CNTN1: variants seen among roughly 807,000 people sequenced by gnomAD.
The protein encoded by CNTN1 is contactin 1, also known as contactin-1.
In CNTN1, 38 loss-of-function variants were observed where a neutral mutation model predicts 126.4. That is an observed-to-expected ratio of 0.30 (90% CI 0.23 to 0.39). The LOEUF (loss-of-function observed/expected upper bound fraction) is 0.39. CNTN1 is among the 10% of genes least tolerant of loss of function. The pLI is 1.00. For synonymous variants in CNTN1, 413 were observed against 422.6 expected, an observed-to-expected ratio of 0.98 and a Z score of 0.28; for missense variants, 1,009 against 1,248.4, an observed-to-expected ratio of 0.81 and a Z score of 2.89.
chr12:41,012,999 G>C (rs1948698330), intron 17 of CNTN1, among the ~76,000 whole-genome samples: 1 of 152,128 alleles, frequency 6.6e-6, no homozygotes, highest in Non-Finnish European at 1.5e-5. Context: ...AGAAGTGAAA[G>C]AGAAACAGCT....
chr12:40,939,534 T>G, intron 12 of CNTN1, 49 bp downstream of exon 12: 1 of 1,599,802 alleles, frequency 6.3e-7, no homozygotes, highest in Non-Finnish European at 8.5e-7. Flanking sequence ...TTGAAAAAGT[T>G]TATTTTATAG....
At chr12:40,911,395 T>TA (rs1216920824) in intron 3 of CNTN1, among the ~76,000 whole-genome samples, 1 of 152,120 alleles carries the variant, frequency 6.6e-6, no homozygotes, top group East Asian at 1.9e-4. Flanking sequence ...AGGCACTTCT[T>TA]ACATGGCCGC....
chr12:41,051,893 A>AAC (rs71078300), intron 23 of CNTN1, among the ~76,000 whole-genome samples: 4,633 of 134,458 alleles, frequency 0.034, 90 homozygotes, highest in East Asian at 0.093. Context: ...ACCCCACACA[A>AAC]ACACACACAC....
chr12:40,977,990 A>T, intron 15 of CNTN1, among the ~76,000 whole-genome samples: 1 of 151,894 alleles, frequency 6.6e-6, no homozygotes, highest in East Asian at 1.9e-4. Context: ...TTTCGTAGAG[A>T]TCCGGTTTCA....
intron 1 of CNTN1, among the ~76,000 whole-genome samples, chr12:40,828,603 C>T (rs1246448695): frequency 1.3e-5 from 2 of 152,110 alleles, no homozygotes; most frequent in East Asian, 3.9e-4. Context: ...GTGGAAATTA[C>T]CTCCTTGTGG....
At chr12:40,892,736 G>A (rs941171676) in intron 1 of CNTN1, among the ~76,000 whole-genome samples, 8 of 152,062 alleles carry the variant, frequency 5.3e-5, no homozygotes, top group African/African-American at 1.9e-4. Context: ...CTGAAACTTT[G>A]TAATTTTTTT....
chr12:40,737,357 G>GTATATATATATATATATATATATATA (rs773215644), intron 1 of CNTN1, among the ~76,000 whole-genome samples: 11 of 105,082 alleles, frequency 1.0e-4, no homozygotes, highest in Non-Finnish European at 1.5e-4. Flanking sequence ...ATATGTGTGT[G>GTATATATATATATATATATATATATA]TGTATATATA....
At position 40,973,598 on chromosome 12, in the gene CNTN1, G is replaced by C. The variant is rs149570904; in HGVS notation, c.1805-7311G>C. 9.9e-5 allele frequency among the ~76,000 whole-genome samples: 15 copies of C among 152,128 alleles called. 1 individual carries two copies. In the South Asian group the frequency reaches 2.1e-3, roughly 21 times the overall value. On this transcript the variant is annotated intron_variant, in intron 15 of 23. Coordinates refer to ENST00000551295, the MANE Select transcript of CNTN1 (RefSeq NM_001843.4). ...GCTTTGCTTTTAATTACTTACTAGGGAATTACCAGTGGAAAAAAGAATGTC... is the reference window on the plus strand; with the variant it reads ...GCTTTGCTTTTAATTACTTACTAGGCAATTACCAGTGGAAAAAAGAATGTC...
chr12:40,924,881 C>CATACTATATAT, intron 6 of CNTN1, among the ~76,000 whole-genome samples: 1 of 112,126 alleles, frequency 8.9e-6, no homozygotes, highest in Admixed American at 8.8e-5. Context: ...AGTTTATAAA[C>CATACTATATAT]ATATATATAT....
In CNTN1 at chr12:40,910,124, A is replaced by G. The variant is rs200475188; in HGVS notation, c.94+19A>G. ...CATGGAGGTAAGTTGACCAAAGAGT[A>G]GACCTTGTAAACATCTTTTCTCTAT... On this transcript the variant is annotated intron_variant, in intron 3 of 23. Coordinates refer to ENST00000551295, the MANE Select transcript of CNTN1 (RefSeq NM_001843.4). 1.1e-5 allele frequency: 17 copies of G among 1,575,640 alleles called. No homozygotes were observed. The highest frequency in any genetic ancestry group is 1.5e-5 in the Non-Finnish European group (17 of 1,146,240).
At chr12:40,842,222 A>G (rs1270069301) in intron 1 of CNTN1, among the ~76,000 whole-genome samples, 1 of 152,092 alleles carries the variant, frequency 6.6e-6, no homozygotes, top group Non-Finnish European at 1.5e-5. Context: ...ATCAGTGAGT[A>G]TCTTGATGAA....
chr12:40,773,633 G>GTGTGTA (rs1555155525), intron 1 of CNTN1, among the ~76,000 whole-genome samples: 2 of 46,640 alleles, frequency 4.3e-5, no homozygotes, highest in Non-Finnish European at 9.3e-5. Context: ...ACCAGAAACT[G>GTGTGTA]TATATATATA....
At position 40,856,092 on chromosome 12, in the gene CNTN1, G is replaced by A. The variant is rs575772468; in HGVS notation, c.-76-52265G>A. 3.3e-5 allele frequency among the ~76,000 whole-genome samples: 5 copies of A among 152,184 alleles called. No homozygotes were observed. The South Asian group carries it at 1.0e-3, about 32-fold the overall frequency. On this transcript the variant is annotated intron_variant, in intron 1 of 23. Transcript: ENST00000551295. The stretch of plus-strand genomic sequence containing the variant: ...CTGTAAAATAAGAGGAAGGTAACTA[G>A]GAAAGAGGGAGCTGGAAAGTAGAGC...
At chr12:40,951,450 C>T (rs1946675481) in intron 14 of CNTN1, among the ~76,000 whole-genome samples, 1 of 151,844 alleles carries the variant, frequency 6.6e-6, no homozygotes. Flanking sequence ...ATGTTTTTGA[C>T]TCAATCTTAA....
intron 1 of CNTN1, among the ~76,000 whole-genome samples, chr12:40,848,825 GTT>G (rs11318215): frequency 0.067 from 9,104 of 135,770 alleles, 503 homozygotes; most frequent in Admixed American, 0.16. Flanking sequence ...CACCAGGTGT[GTT>G]TTTTTTTTTT....
intron 1 of CNTN1, among the ~76,000 whole-genome samples, chr12:40,793,584 G>T (rs1376007424): frequency 6.6e-6 from 1 of 151,868 alleles, no homozygotes; most frequent in Non-Finnish European, 1.5e-5. Context: ...ATCTCTTTCT[G>T]TCACTCTAAA....
At chr12:41,005,913 A>G (rs1175751300) in intron 17 of CNTN1, among the ~76,000 whole-genome samples, 1 of 151,998 alleles carries the variant, frequency 6.6e-6, no homozygotes, top group Non-Finnish European at 1.5e-5. Context: ...TCTGAATTCT[A>G]TTTCTGTGAA....
chr12:40,787,117 T>C (rs1349975037), intron 1 of CNTN1, among the ~76,000 whole-genome samples: 2 of 152,174 alleles, frequency 1.3e-5, no homozygotes, highest in Non-Finnish European at 2.9e-5. Flanking sequence ...ATATCAATTT[T>C]TCCAATTTAG....
intron 1 of CNTN1, among the ~76,000 whole-genome samples, chr12:40,897,776 G>C (rs1944463222): frequency 6.6e-6 from 1 of 152,170 alleles, no homozygotes; most frequent in South Asian, 2.1e-4. Context: ...CCCAGTATCT[G>C]TTCTGGTAAT....
Sources: allele counts gnomAD v4.1 joint callset (sites outside exome capture counted in the v4.1 genomes callset), GRCh38; gene constraint gnomAD v4.1.1; transcripts MANE v1.5; gene names NCBI Gene and HGNC (gene_info 2026-07-23, HGNC 2026-07-21).